SMYD3: variants seen among roughly 807,000 people sequenced by gnomAD.
SMYD3 encodes the protein SET and MYND domain containing 3, also known as histone-lysine N-methyltransferase SMYD3.
In SMYD3, 36 loss-of-function variants were observed where a neutral mutation model predicts 57.7. That is an observed-to-expected ratio of 0.62 (90% CI 0.48 to 0.82). The LOEUF (loss-of-function observed/expected upper bound fraction) is 0.82, where lower values mean the gene tolerates loss of function less well. SMYD3 is among the 40% of genes least tolerant of loss of function. The probability of loss-of-function intolerance (pLI) is 0.00; values close to 1 mark genes in which losing one functional copy is unlikely to be tolerated. For synonymous variants in SMYD3, 211 were observed against 195.0 expected, an observed-to-expected ratio of 1.08 and a Z score of -0.68; for missense variants, 515 against 538.8, an observed-to-expected ratio of 0.96 and a Z score of 0.44.
intron 5 of SMYD3, among the ~76,000 whole-genome samples, chr1:245,978,113 T>C (rs1286342224): frequency 6.6e-6 from 1 of 152,182 alleles, no homozygotes; most frequent in African/African-American, 2.4e-5. Flanking sequence ...TGAGTGAACA[T>C]GGGCAGAAGG....
chr1:245,852,519 G>A (rs867650589), intron 10 of SMYD3, among the ~76,000 whole-genome samples: 3 of 152,168 alleles, frequency 2.0e-5, no homozygotes, highest in Admixed American at 6.5e-5. Context: ...CGGTCATAAT[G>A]TTCTCCATTA....
intron 10 of SMYD3, among the ~76,000 whole-genome samples, chr1:245,797,542 G>A (rs1169955303): frequency 3.9e-5 from 5 of 129,476 alleles, no homozygotes; most frequent in East Asian, 5.2e-4. Context: ...GGGGGGAGGG[G>A]GTAGGATAGC....
chr1:246,083,836 T>C (rs565077108), intron 5 of SMYD3, among the ~76,000 whole-genome samples: 28 of 152,216 alleles, frequency 1.8e-4, no homozygotes, highest in African/African-American at 6.5e-4. Flanking sequence ...AATACACACA[T>C]AAAGGTCACA....
intron 8 of SMYD3, among the ~76,000 whole-genome samples, chr1:245,888,303 G>T (rs2053195566): frequency 6.6e-6 from 1 of 151,954 alleles, no homozygotes; most frequent in Admixed American, 6.6e-5. Flanking sequence ...CCATCTAAAG[G>T]GCTTGAGAAA....
At chr1:246,501,107 C>T (rs1047876306) in intron 1 of SMYD3, among the ~76,000 whole-genome samples, 22 of 152,184 alleles carry the variant, frequency 1.4e-4, no homozygotes, top group Non-Finnish European at 2.4e-4. Flanking sequence ...AGTTGCTTGA[C>T]CTTCAGGGCC....
intron 1 of SMYD3, among the ~76,000 whole-genome samples, chr1:246,365,575 G>C (rs1023740858): frequency 6.6e-6 from 1 of 151,436 alleles, no homozygotes; most frequent in African/African-American, 2.4e-5. Context: ...GGGAATTCTG[G>C]GGAAATGATG....
Position 245,764,135 on chromosome 1 carries a change from C to G in SMYD3, c.1091G>C (p.Gly364Ala). ...TTGAACCCCTCTGACGGGATGGCTT[C>G]CTGGGAAAAAAATCCTGGAAGAAAC... ...TMEPYRIFFP[G>A]SHPVRGVQVM... is the part of the protein sequence containing the mutation. Residue 364 changes from glycine to alanine, a missense_variant, in exon 11 of 12, where the codon GGA (glycine) becomes GCA (alanine). Coordinates refer to ENST00000490107, the MANE Select transcript of SMYD3 (RefSeq NM_001167740.2). 6.2e-7 allele frequency: 1 copy of G among 1,613,634 alleles called. No homozygotes were observed. Among genetic ancestry groups the G allele is most frequent in the East Asian group, 2.2e-5 (1 of 44,876 alleles).
intron 5 of SMYD3, among the ~76,000 whole-genome samples, chr1:246,179,810 G>A (rs911860467): frequency 6.6e-6 from 1 of 152,076 alleles, no homozygotes; most frequent in Non-Finnish European, 1.5e-5. Flanking sequence ...GCGGAGATTT[G>A]GACCCTCCAT....
intron 5 of SMYD3, among the ~76,000 whole-genome samples, chr1:245,949,896 C>T (rs12091983): frequency 0.05 from 7,301 of 146,696 alleles, 565 homozygotes; most frequent in African/African-American, 0.17. Flanking sequence ...CCAAACACCA[C>T]TATAGACCTA....
At chr1:245,817,339 G>C (rs1216053975) in intron 10 of SMYD3, among the ~76,000 whole-genome samples, 8 of 145,352 alleles carry the variant, frequency 5.5e-5, no homozygotes, top group South Asian at 2.2e-4. Context: ...TGAGGGTCCT[G>C]CCTGTTAGAA....
At chr1:245,870,656 C>T (rs1341610414) in intron 8 of SMYD3, among the ~76,000 whole-genome samples, 8 of 152,172 alleles carry the variant, frequency 5.3e-5, no homozygotes, top group Admixed American at 3.3e-4. Flanking sequence ...TCACTCAACA[C>T]GGTTACATTC....
intron 5 of SMYD3, among the ~76,000 whole-genome samples, chr1:246,181,498 A>C (rs2062550961): frequency 6.6e-6 from 1 of 152,266 alleles, no homozygotes; most frequent in East Asian, 1.9e-4. Flanking sequence ...TAGAGGACTC[A>C]GGAAATTCAA....
intron 5 of SMYD3, among the ~76,000 whole-genome samples, chr1:246,168,826 G>A (rs12134994): frequency 0.17 from 26,039 of 151,928 alleles, 2,939 homozygotes; most frequent in African/African-American, 0.29. Context: ...TGCTTTTGCC[G>A]TCTTTAGAAA....
chr1:246,377,369 CT>C lies in SMYD3; in HGVS notation c.165-22276del, dbSNP rs531494337. Among the ~76,000 whole-genome samples the C allele has an allele frequency of 3.6e-3, 484 of 134,154 alleles. 2 individuals are homozygous for C. Among genetic ancestry groups the C allele is most frequent in the African/African-American group, 4.9e-3 (177 of 36,468 alleles). 88.0% of individuals were successfully genotyped at this position (134,154 alleles called of 152,430 possible). A position where few individuals can be genotyped will look rare whatever the true frequency, so the allele number is the denominator to read the frequency against. On this transcript the variant is annotated intron_variant, in intron 1 of 11. Coordinates refer to ENST00000490107, the MANE Select transcript of SMYD3 (RefSeq NM_001167740.2). ...ATAAGAATAAAAAAGGCAAATAATT[CT>C]TTTTTTTTTTTTTTTTGAGACGGAG...
chr1:246,398,204 T>A (rs1445515156), intron 1 of SMYD3, among the ~76,000 whole-genome samples: 1 of 152,220 alleles, frequency 6.6e-6, no homozygotes, highest in African/African-American at 2.4e-5. Context: ...GCTCTTCCCA[T>A]CATCCTAATC....
chr1:245,787,442 C>G (rs1194872570), intron 10 of SMYD3, among the ~76,000 whole-genome samples: 1 of 152,136 alleles, frequency 6.6e-6, no homozygotes, highest in East Asian at 1.9e-4. Context: ...GTCTTTACTC[C>G]CTTTCCATCC....
At chr1:246,153,599 C>T (rs1394857982) in intron 5 of SMYD3, among the ~76,000 whole-genome samples, 1 of 152,118 alleles carries the variant, frequency 6.6e-6, no homozygotes, top group Non-Finnish European at 1.5e-5. Flanking sequence ...TCCCCAGAAG[C>T]TGCGCCACCA....
At chr1:246,223,910 T>G (rs1481437793) in intron 5 of SMYD3, among the ~76,000 whole-genome samples, 1 of 152,186 alleles carries the variant, frequency 6.6e-6, no homozygotes, top group African/African-American at 2.4e-5. Flanking sequence ...TAGCATTCAA[T>G]TTGGCTTATT....
At chr1:246,353,698 T>G (rs2065868284) in intron 2 of SMYD3, among the ~76,000 whole-genome samples, 1 of 152,216 alleles carries the variant, frequency 6.6e-6, no homozygotes, top group Non-Finnish European at 1.5e-5. Flanking sequence ...TTACAGAATA[T>G]TTGGCAAGTT....
Sources: gnomAD v4.1 joint callset for allele counts (sites outside exome capture counted in the v4.1 genomes callset) on GRCh38, gnomAD v4.1.1 for gene constraint, MANE v1.5 for transcripts, NCBI Gene and HGNC (gene_info 2026-07-23, HGNC 2026-07-21) for gene names.